Variants in TMTC1 observed in about 807,000 individuals in gnomAD.
TMTC1 encodes protein O-mannosyl-transferase TMTC1.
Under a neutral mutation model 104.8 loss-of-function variants are expected in TMTC1, and 73 were observed. The observed-to-expected ratio is 0.70, with a 90% CI of 0.58 to 0.85. TMTC1 has a LOEUF of 0.85. TMTC1 is among the 40% of genes least tolerant of loss of function. The probability of loss-of-function intolerance (pLI) is 0.00; values close to 1 mark genes in which losing one functional copy is unlikely to be tolerated. For synonymous variants in TMTC1, 434 were observed against 428.7 expected (o/e 1.01, Z -0.15); for missense variants, 1,035 against 1,096.1 (o/e 0.94, Z 0.79).
chr12:29,533,632 A>G (rs746743399), intron 11 of TMTC1: 3 of 152,228 alleles, frequency 2.0e-5, no homozygotes, highest in Non-Finnish European at 4.4e-5. Flanking sequence ...AAGGTTCTAC[A>G]GATATGCTGC....
chr12:29,615,084 G>A (rs1036504438), intron 6 of TMTC1, among the ~76,000 whole-genome samples: 10 of 152,206 alleles, frequency 6.6e-5, no homozygotes, highest in Non-Finnish European at 1.5e-4. Context: ...AAATGCCAGA[G>A]TCCTGGGTTA....
intron 15 of TMTC1, among the ~76,000 whole-genome samples, chr12:29,514,880 G>C (rs190277057): frequency 2.4e-4 from 36 of 152,104 alleles, no homozygotes; most frequent in Admixed American, 2.0e-3. Flanking sequence ...CAGGTGTGGT[G>C]GTGCACACCT....
intron 10 of TMTC1, among the ~76,000 whole-genome samples, chr12:29,538,067 T>G (rs1944693450): frequency 6.6e-6 from 1 of 152,230 alleles, no homozygotes; most frequent in Admixed American, 6.5e-5. Flanking sequence ...CTCTTGTTCA[T>G]GCAAAGTCCC....
chr12:29,626,333 A>G (rs895791928), intron 6 of TMTC1, among the ~76,000 whole-genome samples: 5 of 152,194 alleles, frequency 3.3e-5, no homozygotes, highest in Non-Finnish European at 5.9e-5. Flanking sequence ...AAGGGAGATA[A>G]AGAAAGGAGT....
chr12:29,714,854 G>A (rs530916688), intron 5 of TMTC1, among the ~76,000 whole-genome samples: 77 of 152,258 alleles, frequency 5.1e-4, no homozygotes, highest in African/African-American at 1.7e-3. Flanking sequence ...CATGCATCAG[G>A]GCCACACAAA....
rs1565806289 is a variant in TMTC1, at chr12:29,740,503, G to A, written c.938+11163C>T. On this transcript the variant is annotated intron_variant, in intron 5 of 17. Coordinates refer to ENST00000539277, the MANE Select transcript of TMTC1 (RefSeq NM_001193451.2). ...CAGACTCCAAGCTCTTCAGTCTGGG[G>A]ACTCCAACTGGCACTCCTTGCTCCT... Among the ~76,000 whole-genome samples, 5 of 152,278 alleles carry A rather than the reference G, an allele frequency of 3.3e-5. No homozygotes were observed. The East Asian group carries it at 5.8e-4, about 18-fold the overall frequency.
chr12:29,600,344 T>C (rs908388332), intron 7 of TMTC1, among the ~76,000 whole-genome samples: 21 of 152,084 alleles, frequency 1.4e-4, no homozygotes, highest in African/African-American at 5.1e-4. Context: ...TAAAATCTTT[T>C]CCTAGTCCCC....
chr12:29,696,919 G>A (rs1041331678), intron 5 of TMTC1, among the ~76,000 whole-genome samples: 2 of 152,148 alleles, frequency 1.3e-5, no homozygotes, highest in South Asian at 2.1e-4. Context: ...CTTATTAGAT[G>A]AAACATGAAA....
chr12:29,608,712 T>G (rs1946766531), intron 6 of TMTC1, among the ~76,000 whole-genome samples: 1 of 152,016 alleles, frequency 6.6e-6, no homozygotes, highest in South Asian at 2.1e-4. Context: ...TGCAAAGAGG[T>G]GAAAATCCTG....
intron 5 of TMTC1, among the ~76,000 whole-genome samples, chr12:29,705,705 A>C (rs995690094): frequency 2.6e-5 from 4 of 152,146 alleles, no homozygotes; most frequent in Non-Finnish European, 4.4e-5. Context: ...TGTACACATG[A>C]GGTACACATT....
intron 5 of TMTC1, among the ~76,000 whole-genome samples, chr12:29,664,123 C>A (rs1204664679): frequency 6.7e-6 from 1 of 149,780 alleles, no homozygotes; most frequent in South Asian, 2.1e-4. Context: ...GGAGGCGGAG[C>A]TTGCAGTGAG....
chr12:29,721,127 T>A (rs1293343008), intron 5 of TMTC1, among the ~76,000 whole-genome samples: 1 of 152,224 alleles, frequency 6.6e-6, no homozygotes, highest in Non-Finnish European at 1.5e-5. Context: ...TTACACCTAC[T>A]TCAGGAAATT....
intron 5 of TMTC1, among the ~76,000 whole-genome samples, chr12:29,730,418 G>A (rs913602096): frequency 6.6e-6 from 1 of 152,174 alleles, no homozygotes; most frequent in African/African-American, 2.4e-5. Flanking sequence ...AAAATTCTGA[G>A]TTTGGGCTTT....
chr12:29,694,677 C>T (rs1470939079), intron 5 of TMTC1, among the ~76,000 whole-genome samples: 1 of 152,064 alleles, frequency 6.6e-6, no homozygotes, highest in Non-Finnish European at 1.5e-5. Context: ...TGGTGGCTCA[C>T]GCCTGTAATC....
chr12:29,528,593 GA>G (rs778330815), intron 11 of TMTC1, among the ~76,000 whole-genome samples: 3 of 152,140 alleles, frequency 2.0e-5, no homozygotes, highest in Non-Finnish European at 2.9e-5. Flanking sequence ...TAGATGTCCT[GA>G]AAAAGGACCC....
At chr12:29,669,776 A>T (rs994954653) in intron 5 of TMTC1, among the ~76,000 whole-genome samples, 4 of 152,232 alleles carry the variant, frequency 2.6e-5, no homozygotes, top group Non-Finnish European at 5.9e-5. Context: ...CTCCCTTTAG[A>T]AGAGGATACA....
At chr12:29,656,296 CA>C in intron 5 of TMTC1, among the ~76,000 whole-genome samples, 1 of 144,410 alleles carries the variant, frequency 6.9e-6, no homozygotes, top group East Asian at 2.0e-4. Flanking sequence ...CTATTCATAA[CA>C]AATGTCAGTG....
At chr12:29,650,550 C>T (rs1939468399) in intron 5 of TMTC1, among the ~76,000 whole-genome samples, 1 of 152,180 alleles carries the variant, frequency 6.6e-6, no homozygotes, top group Non-Finnish European at 1.5e-5. Flanking sequence ...AAAGTCAAAG[C>T]ATTCATCCTT....
Position 29,783,372 on chromosome 12 carries a change from C to T in TMTC1, c.302+78G>A. ...AAAAATGAAATGCCCCCAAGTCAGT[C>T]CCGCAACTTCTCCCGGTCCGAGGGA... is the stretch of plus-strand genomic sequence containing the variant. On this transcript the variant is annotated intron_variant, in intron 1 of 17. Coordinates refer to ENST00000539277, the MANE Select transcript of TMTC1 (RefSeq NM_001193451.2). This position sits in a 1 kb window ranked among gnomAD's most constrained non-coding sequence, Gnocchi z 4.7. The T allele has an allele frequency of 8.1e-7, 1 of 1,232,522 alleles. No individual in the cohort carries two copies. Among genetic ancestry groups the T allele is most frequent in the East Asian group, 3.2e-5 (1 of 31,616 alleles). The allele number at this position is 1,232,522 out of a possible 1,614,324, so 76.3% of individuals were successfully genotyped here. A position where few individuals can be genotyped will look rare whatever the true frequency, so the allele number is the denominator to read the frequency against.
Sources: allele counts gnomAD v4.1 joint callset (sites outside exome capture counted in the v4.1 genomes callset), GRCh38; gene constraint gnomAD v4.1.1; non-coding constraint Gnocchi (gnomAD v3.1); transcripts MANE v1.5; gene names NCBI Gene and HGNC (gene_info 2026-07-23, HGNC 2026-07-21).